ST6GALNAC3: variants seen among roughly 807,000 people sequenced by gnomAD.
ST6GALNAC3 encodes ST6 N-acetylgalactosaminide alpha-2,6-sialyltransferase 3, also known as alpha-N-acetylgalactosaminide alpha-2,6-sialyltransferase 3.
ST6GALNAC3 carries 25 observed loss-of-function variants against 32.7 expected under a neutral mutation model. That is an observed-to-expected ratio of 0.76 (90% CI 0.56 to 1.07). ST6GALNAC3 has a LOEUF of 1.07. Ranked by LOEUF, ST6GALNAC3 falls within the 50% of genes least tolerant of loss-of-function variation. The pLI is 0.00. For synonymous variants in ST6GALNAC3, 129 were observed against 133.1 expected, an observed-to-expected ratio of 0.97 and a Z score of 0.21; for missense variants, 355 against 382.4, an observed-to-expected ratio of 0.93 and a Z score of 0.60.
At chr1:76,201,459 T>C (rs903082407) in intron 1 of ST6GALNAC3, among the ~76,000 whole-genome samples, 1 of 152,214 alleles carries the variant, frequency 6.6e-6, no homozygotes, top group East Asian at 1.9e-4. Context: ...ATGGGAATTA[T>C]GGGAGCTACA....
intron 1 of ST6GALNAC3, among the ~76,000 whole-genome samples, chr1:76,119,302 A>G (rs1483504184): frequency 3.3e-5 from 5 of 152,250 alleles, no homozygotes; most frequent in South Asian, 2.1e-4. Flanking sequence ...GAAATTTCAC[A>G]CTAGAACATA....
intron 1 of ST6GALNAC3, among the ~76,000 whole-genome samples, chr1:76,260,043 G>A (rs969742736): frequency 2.6e-5 from 4 of 151,948 alleles, no homozygotes; most frequent in Non-Finnish European, 5.9e-5. Context: ...ACTGGCTGGT[G>A]TTCATTGAGC....
chr1:76,158,467 A>G (rs1422046094), intron 1 of ST6GALNAC3, among the ~76,000 whole-genome samples: 1 of 152,206 alleles, frequency 6.6e-6, no homozygotes, highest in Non-Finnish European at 1.5e-5. Flanking sequence ...ACCTGCAGCC[A>G]CAGTTCCTGG....
chr1:76,592,998 CT>C (rs11303222), intron 3 of ST6GALNAC3, among the ~76,000 whole-genome samples: 27,049 of 148,538 alleles, frequency 0.18, 3,331 homozygotes, highest in African/African-American at 0.35. Flanking sequence ...TTTTGTCCTC[CT>C]TTTTTTTTTG....
chr1:76,503,256 A>ATGTG (rs1197760204), intron 3 of ST6GALNAC3, among the ~76,000 whole-genome samples: 1 of 152,164 alleles, frequency 6.6e-6, no homozygotes, highest in Admixed American at 6.5e-5. Context: ...TTTGTTCTGA[A>ATGTG]TGTGTGTCCC....
intron 1 of ST6GALNAC3, among the ~76,000 whole-genome samples, chr1:76,181,640 C>T (rs1371189401): frequency 6.6e-6 from 1 of 152,106 alleles, no homozygotes; most frequent in Non-Finnish European, 1.5e-5. Context: ...CTATTTTTTA[C>T]ATTAGCCAAA....
intron 1 of ST6GALNAC3, among the ~76,000 whole-genome samples, chr1:76,261,443 G>T (rs924069639): frequency 1.3e-5 from 2 of 152,164 alleles, no homozygotes; most frequent in African/African-American, 4.8e-5. Flanking sequence ...ACACAACAAG[G>T]AGACACAAGC....
chr1:76,381,744 G>A (rs563035669), intron 2 of ST6GALNAC3, among the ~76,000 whole-genome samples: 1 of 152,308 alleles, frequency 6.6e-6, no homozygotes, highest in Admixed American at 6.5e-5. Context: ...AGGAATTGCA[G>A]TGGGACTGGT....
chr1:76,302,118 A>C (rs1280019897), intron 1 of ST6GALNAC3, among the ~76,000 whole-genome samples: 1 of 151,990 alleles, frequency 6.6e-6, no homozygotes, highest in African/African-American at 2.4e-5. Context: ...TTGATTTTTA[A>C]AATGTTTTTC....
intron 3 of ST6GALNAC3, among the ~76,000 whole-genome samples, chr1:76,570,066 A>G (rs1364351702): frequency 6.6e-6 from 1 of 152,136 alleles, no homozygotes; most frequent in South Asian, 2.1e-4. Context: ...CAGCGAAGCT[A>G]AAGAAGGGCT....
chr1:76,522,085 T>TAAAA lies in ST6GALNAC3; in HGVS notation c.624-105352_624-105349dup, dbSNP rs55954462. On this transcript the variant is annotated intron_variant, in intron 3 of 4. Transcript: ENST00000328299. ...GGGTGACAGAGTGAGACTCCATTTCTAAAAAAAAAAAAAAAAAACACCATT... is the reference window on the plus strand; with the variant it reads ...GGGTGACAGAGTGAGACTCCATTTCTAAAAAAAAAAAAAAAAAAAAAACACCATT... Among the ~76,000 whole-genome samples the TAAAA allele has an allele frequency of 3.8e-3, 529 of 140,700 alleles. 2 individuals carry two copies. The highest frequency in any genetic ancestry group is 0.013 in the African/African-American group (511 of 37,898). The allele number at this position is 140,700 out of a possible 152,430, so 92.3% of individuals were successfully genotyped here. A position where few individuals can be genotyped will look rare whatever the true frequency, so the allele number is the denominator to read the frequency against.
intron 1 of ST6GALNAC3, among the ~76,000 whole-genome samples, chr1:76,206,534 C>A (rs1161401150): frequency 6.6e-6 from 1 of 152,140 alleles, no homozygotes; most frequent in Non-Finnish European, 1.5e-5. Flanking sequence ...TCAAGACCAT[C>A]CTGGCCAACA....
intron 2 of ST6GALNAC3, among the ~76,000 whole-genome samples, chr1:76,364,653 A>G (rs1570974775): frequency 6.6e-6 from 1 of 152,142 alleles, no homozygotes; most frequent in South Asian, 2.1e-4. Context: ...AAAAAACCTC[A>G]TTAAAAAGCA....
chr1:76,460,853 G>A (rs1658232160), intron 3 of ST6GALNAC3, among the ~76,000 whole-genome samples: 1 of 152,042 alleles, frequency 6.6e-6, no homozygotes, highest in Admixed American at 6.6e-5. Flanking sequence ...TTATAACATG[G>A]AGGAATTCCT....
At chr1:76,505,152 C>T (rs1291972230) in intron 3 of ST6GALNAC3, among the ~76,000 whole-genome samples, 1 of 150,382 alleles carries the variant, frequency 6.6e-6, no homozygotes, top group East Asian at 1.9e-4. Context: ...CAGACAGAGT[C>T]TCGCTCTGTC....
At chr1:76,289,756 T>G (rs1028456608) in intron 1 of ST6GALNAC3, among the ~76,000 whole-genome samples, 18 of 152,202 alleles carry the variant, frequency 1.2e-4, no homozygotes, top group Admixed American at 1.1e-3. Context: ...TCAACAGGCT[T>G]TTTACCTAGG....
chr1:76,508,221 G>C (rs115885190), intron 3 of ST6GALNAC3, among the ~76,000 whole-genome samples: 11,268 of 152,132 alleles, frequency 0.074, 1,410 homozygotes, highest in African/African-American at 0.26. Flanking sequence ...ACCTAGATCC[G>C]TCGCACGCAG....
At chr1:76,566,190 A>T (rs537527211) in intron 3 of ST6GALNAC3, among the ~76,000 whole-genome samples, 7 of 152,334 alleles carry the variant, frequency 4.6e-5, no homozygotes, top group Non-Finnish European at 8.8e-5. Context: ...AAATAGTGAC[A>T]GTATGTCAGG....
rs1649260668 is a variant in ST6GALNAC3 at position 76,630,833 on chromosome 1, A to G, written c.*2027A>G. On this transcript the variant is annotated 3_prime_UTR_variant, in exon 5 of 5. Coordinates refer to ENST00000328299, the MANE Select transcript of ST6GALNAC3 (RefSeq NM_152996.4). The stretch of plus-strand genomic sequence containing the variant: ...TGTTAAGTTTTTTTGAGCTAATGAT[A>G]GATAGAAATGCCCACTCAAAGAAAA... 27 of 985,500 alleles carry G rather than the reference A, an allele frequency of 2.7e-5. No homozygotes were observed. The highest frequency in any genetic ancestry group is 3.3e-5 in the Non-Finnish European group (27 of 829,798). 61.0% of individuals were successfully genotyped at this position (985,500 alleles called of 1,614,324 possible). A position where few individuals can be genotyped will look rare whatever the true frequency, so the allele number is the denominator to read the frequency against.
Sources: allele counts gnomAD v4.1 joint callset (sites outside exome capture counted in the v4.1 genomes callset), GRCh38; gene constraint gnomAD v4.1.1; transcripts MANE v1.5; gene names NCBI Gene and HGNC (gene_info 2026-07-23, HGNC 2026-07-21).